Variants in SLC25A21 observed in about 807,000 individuals in gnomAD.
SLC25A21 encodes solute carrier family 25 member 21.
A neutral mutation model predicts 43.8 loss-of-function variants in SLC25A21; 47 were observed. The observed-to-expected ratio is 1.07, with a 90% confidence interval of 0.85 to 1.37. The LOEUF is 1.37. Among genes scored for constraint, SLC25A21 ranks in the 40% most tolerant of loss-of-function variants. The pLI is 0.00. For missense variants in SLC25A21, 352 were observed against 350.2 expected, an observed-to-expected ratio of 1.00 and a Z score of -0.04; for synonymous variants, 131 against 121.3, an observed-to-expected ratio of 1.08 and a Z score of -0.52.
chr14:36,849,935 G>A (rs975575225), intron 2 of SLC25A21, among the ~76,000 whole-genome samples: 46 of 151,904 alleles, frequency 3.0e-4, no homozygotes, highest in Middle Eastern at 3.4e-3. Flanking sequence ...AATCTTTATC[G>A]TTCTCCAGCT....
At chr14:37,066,276 G>A (rs928935867) in intron 1 of SLC25A21, among the ~76,000 whole-genome samples, 10 of 152,136 alleles carry the variant, frequency 6.6e-5, no homozygotes, top group African/African-American at 2.2e-4. Context: ...AAAGGTAAGA[G>A]TGGGGATTTT....
chr14:36,787,792 G>A (rs947765789), intron 3 of SLC25A21, among the ~76,000 whole-genome samples: 3 of 152,100 alleles, frequency 2.0e-5, no homozygotes, highest in Non-Finnish European at 4.4e-5. Context: ...AGATGGAGAG[G>A]TGCTTTGGTC....
intron 3 of SLC25A21, among the ~76,000 whole-genome samples, chr14:36,802,606 A>T (rs8008462): frequency 0.42 from 63,635 of 151,910 alleles, 13,807 homozygotes; most frequent in East Asian, 0.69. Flanking sequence ...GTCTCTTTGA[A>T]CCCCAAGGTA....
At chr14:37,167,808 G>T (rs1279164663) in intron 1 of SLC25A21, among the ~76,000 whole-genome samples, 1 of 151,784 alleles carries the variant, frequency 6.6e-6, no homozygotes, top group Non-Finnish European at 1.5e-5. Flanking sequence ...CCCCACCCAG[G>T]AACTGACTCA....
chr14:36,928,875 A>C (rs1395059562), intron 1 of SLC25A21, among the ~76,000 whole-genome samples: 1 of 152,168 alleles, frequency 6.6e-6, no homozygotes, highest in African/African-American at 2.4e-5. Flanking sequence ...TAACACTATA[A>C]GCATCAATAG....
chr14:36,980,187 T>G (rs1014154198), intron 1 of SLC25A21, among the ~76,000 whole-genome samples: 4 of 152,358 alleles, frequency 2.6e-5, no homozygotes, highest in African/African-American at 9.6e-5. Flanking sequence ...CATCTTTTCC[T>G]TCATTTCAAC....
intron 2 of SLC25A21, among the ~76,000 whole-genome samples, chr14:36,817,573 G>T (rs1652267460): frequency 6.6e-6 from 1 of 152,120 alleles, no homozygotes; most frequent in South Asian, 2.1e-4. Context: ...TTTGGTAGAA[G>T]GTATACAGGA....
At chr14:37,100,740 T>C (rs1038968408) in intron 1 of SLC25A21, among the ~76,000 whole-genome samples, 5 of 152,160 alleles carry the variant, frequency 3.3e-5, no homozygotes. Flanking sequence ...GACAGCACAA[T>C]GTAGTGGGTC....
intron 1 of SLC25A21, among the ~76,000 whole-genome samples, chr14:37,075,180 C>T (rs1289061417): frequency 6.6e-6 from 1 of 152,126 alleles, no homozygotes; most frequent in Non-Finnish European, 1.5e-5. Context: ...ACCACTAATA[C>T]CTCTCGACTT....
intron 1 of SLC25A21, among the ~76,000 whole-genome samples, chr14:37,019,940 T>C (rs1043087350): frequency 1.3e-5 from 2 of 151,952 alleles, no homozygotes; most frequent in African/African-American, 4.8e-5. Context: ...AAGACAAATC[T>C]GTAGTTCTAT....
At chr14:36,979,914 AC>A (rs1959979626) in intron 1 of SLC25A21, among the ~76,000 whole-genome samples, 1 of 152,176 alleles carries the variant, frequency 6.6e-6, no homozygotes, top group Non-Finnish European at 1.5e-5. Context: ...GTTAAATAAA[AC>A]ATATTTTTTA....
chr14:37,095,975 T>C (rs896748562), intron 1 of SLC25A21, among the ~76,000 whole-genome samples: 2 of 152,086 alleles, frequency 1.3e-5, no homozygotes, highest in Non-Finnish European at 2.9e-5. Context: ...AAAGAATGCA[T>C]TGTCAGTAGC....
At chr14:37,087,119 A>T (rs1962500422) in intron 1 of SLC25A21, among the ~76,000 whole-genome samples, 1 of 152,166 alleles carries the variant, frequency 6.6e-6, no homozygotes, top group South Asian at 2.1e-4. Flanking sequence ...TTTCTTCATT[A>T]AACAGTTTTT....
At chr14:37,051,788 C>T (rs1392824438) in intron 1 of SLC25A21, among the ~76,000 whole-genome samples, 2 of 152,188 alleles carry the variant, frequency 1.3e-5, no homozygotes, top group Non-Finnish European at 2.9e-5. Flanking sequence ...CCTGTGTGAC[C>T]AGGTAGGGAG....
chr14:36,798,660 G>A (rs1412626539), intron 3 of SLC25A21, among the ~76,000 whole-genome samples: 2 of 152,008 alleles, frequency 1.3e-5, no homozygotes, highest in Admixed American at 1.3e-4. Context: ...TTCTTAGAAG[G>A]CTGGTAAAGA....
intron 1 of SLC25A21, among the ~76,000 whole-genome samples, chr14:36,922,627 A>C (rs1304782128): frequency 6.6e-6 from 1 of 152,042 alleles, no homozygotes; most frequent in African/African-American, 2.4e-5. Context: ...AGTTGGAGCT[A>C]AAATATCCTC....
At chr14:37,034,237 C>T (rs2138773086) in intron 1 of SLC25A21, among the ~76,000 whole-genome samples, 1 of 152,138 alleles carries the variant, frequency 6.6e-6, no homozygotes, top group South Asian at 2.1e-4. Context: ...AGGCTTGTCT[C>T]GAATTCCTGA....
intron 1 of SLC25A21, among the ~76,000 whole-genome samples, chr14:36,894,935 G>C (rs1165086067): frequency 6.6e-6 from 1 of 152,054 alleles, no homozygotes; most frequent in Non-Finnish European, 1.5e-5. Flanking sequence ...TGCTGGATTT[G>C]GTTTGCCAGT....
chr14:36,702,721 A>T (rs1883336223), intron 7 of SLC25A21, among the ~76,000 whole-genome samples: 1 of 152,152 alleles, frequency 6.6e-6, no homozygotes. Flanking sequence ...AGCAATGCTG[A>T]TGCTTCCTAA....
Sources: allele counts gnomAD v4.1 joint callset (sites outside exome capture counted in the v4.1 genomes callset), GRCh38; gene constraint gnomAD v4.1.1; transcripts MANE v1.5; gene names NCBI Gene and HGNC (gene_info 2026-07-23, HGNC 2026-07-21).